Variants in TTC28 observed in about 807,000 individuals in gnomAD.
TTC28 encodes the protein tetratricopeptide repeat domain 28, also known as tetratricopeptide repeat protein 28.
Under a neutral mutation model 198.0 loss-of-function variants are expected in TTC28, and 61 were observed. The ratio of observed to expected loss-of-function variants is 0.31; its 90% CI spans 0.25 to 0.38. The LOEUF is 0.38. Ranked by LOEUF, TTC28 falls within the 10% of genes least tolerant of loss-of-function variation. TTC28 has a pLI of 1.00. For synonymous variants in TTC28, 1,171 were observed against 1,297.8 expected (o/e 0.90, Z 2.10); for missense variants, 2,678 against 3,164.0 (o/e 0.85, Z 3.69).
At chr22:28,332,355 T>TA (rs2045629956) in intron 2 of TTC28, among the ~76,000 whole-genome samples, 1 of 151,754 alleles carries the variant, frequency 6.6e-6, no homozygotes, top group Non-Finnish European at 1.5e-5. Flanking sequence ...CATAATGAAA[T>TA]GAAAATATAG....
At chr22:27,994,181 C>T (rs769939787) in intron 17 of TTC28, among the ~76,000 whole-genome samples, 16 of 152,190 alleles carry the variant, frequency 1.1e-4, no homozygotes, top group Admixed American at 2.6e-4. Flanking sequence ...TGGTGGCTCA[C>T]GCCTGTAATC....
chr22:28,231,555 A>G (rs1928805912), intron 5 of TTC28, among the ~76,000 whole-genome samples: 1 of 152,210 alleles, frequency 6.6e-6, no homozygotes, highest in African/African-American at 2.4e-5. Flanking sequence ...TCTGTAGATC[A>G]CAGCAGGGAA....
At chr22:28,120,644 C>T (rs1000186305) in intron 6 of TTC28, among the ~76,000 whole-genome samples, 7 of 152,184 alleles carry the variant, frequency 4.6e-5, no homozygotes, top group Non-Finnish European at 8.8e-5. Flanking sequence ...GATAAGTGGA[C>T]AGCATGGTCT....
At chr22:28,500,055 C>A (rs1329603566) in intron 2 of TTC28, among the ~76,000 whole-genome samples, 1 of 152,130 alleles carries the variant, frequency 6.6e-6, no homozygotes, top group Non-Finnish European at 1.5e-5. Context: ...ATAATTCACA[C>A]ACCATAAATT....
chr22:28,038,168 C>T (rs2146661204), intron 12 of TTC28, among the ~76,000 whole-genome samples: 1 of 152,302 alleles, frequency 6.6e-6, no homozygotes, highest in South Asian at 2.1e-4. Context: ...GAGAAAACTT[C>T]TTTAAAGTTC....
chr22:28,613,738 T>C (rs1417512155), intron 2 of TTC28, among the ~76,000 whole-genome samples: 4 of 152,116 alleles, frequency 2.6e-5, no homozygotes, highest in Non-Finnish European at 5.9e-5. Flanking sequence ...TCAACAAAAT[T>C]CAACACTCCT....
In TTC28 at chr22:28,408,826, T is replaced by C. The variant is rs139775683; in HGVS notation, c.382-102183A>G. On this transcript the variant is annotated intron_variant, in intron 2 of 22. Transcript: ENST00000397906. ...TTCGAATGAGTCTTGAACTACCACATCTGAAAGAGAAGGTGAACAAAGTGA... is the reference window on the plus strand; with the variant it reads ...TTCGAATGAGTCTTGAACTACCACACCTGAAAGAGAAGGTGAACAAAGTGA... Among the ~76,000 whole-genome samples the C allele has an allele frequency of 1.9e-3, 292 of 152,300 alleles. 2 individuals carry two copies. Among genetic ancestry groups the C allele is most frequent in the Middle Eastern group, 0.014 (4 of 294 alleles).
intron 2 of TTC28, among the ~76,000 whole-genome samples, chr22:28,389,247 T>G (rs1328904382): frequency 6.6e-6 from 1 of 152,226 alleles, no homozygotes; most frequent in Non-Finnish European, 1.5e-5. Context: ...GGTTTGCCAG[T>G]ATTTTATTGA....
chr22:28,508,642 T>C (rs1018704654), intron 2 of TTC28, among the ~76,000 whole-genome samples: 1 of 152,074 alleles, frequency 6.6e-6, no homozygotes, highest in Admixed American at 6.5e-5. Flanking sequence ...GGGCATTACA[T>C]AATGGTAAAG....
chr22:28,634,505 C>CAAAA (rs900765994), intron 1 of TTC28, among the ~76,000 whole-genome samples: 1 of 45,530 alleles, frequency 2.2e-5, no homozygotes, highest in African/African-American at 7.4e-5. Flanking sequence ...GACTCCATCT[C>CAAAA]AAAAAAAAAA....
At chr22:28,227,173 T>A (rs1928410760) in intron 5 of TTC28, among the ~76,000 whole-genome samples, 1 of 152,166 alleles carries the variant, frequency 6.6e-6, no homozygotes, top group African/African-American at 2.4e-5. Context: ...CCTCAAGTGA[T>A]CCTCTGACCC....
intron 2 of TTC28, among the ~76,000 whole-genome samples, chr22:28,350,908 C>T (rs1486802190): frequency 6.6e-6 from 1 of 152,020 alleles, no homozygotes; most frequent in Non-Finnish European, 1.5e-5. Context: ...CTCGGCCGGG[C>T]GCAGTGGCTG....
At chr22:28,404,101 A>G (rs1036399267) in intron 2 of TTC28, among the ~76,000 whole-genome samples, 18 of 152,064 alleles carry the variant, frequency 1.2e-4, no homozygotes, top group Non-Finnish European at 1.9e-4. Context: ...ATTTTTAACT[A>G]GAATATATGT....
At chr22:28,343,725 T>C (rs1022235197) in intron 2 of TTC28, among the ~76,000 whole-genome samples, 3 of 152,220 alleles carry the variant, frequency 2.0e-5, no homozygotes, top group Admixed American at 6.5e-5. Context: ...CTGTTCTGTC[T>C]GCACCAACAT....
chr22:28,260,097 T>C (rs1483927048), intron 5 of TTC28, among the ~76,000 whole-genome samples: 1 of 152,188 alleles, frequency 6.6e-6, no homozygotes, highest in Non-Finnish European at 1.5e-5. Context: ...ATGTGAAAGA[T>C]GTAATAATTT....
intron 2 of TTC28, among the ~76,000 whole-genome samples, chr22:28,604,261 G>A (rs183844762): frequency 8.7e-4 from 114 of 131,152 alleles, no homozygotes; most frequent in African/African-American, 3.2e-3. Flanking sequence ...CTGGCTGACA[G>A]AGCAAGACTC....
At chr22:28,545,853 CTA>C (rs2145945296) in intron 2 of TTC28, among the ~76,000 whole-genome samples, 1 of 152,166 alleles carries the variant, frequency 6.6e-6, no homozygotes, top group Non-Finnish European at 1.5e-5. Context: ...GAGAAGTATA[CTA>C]TGTTCACAAA....
At chr22:28,588,258 C>T (rs531071678) in intron 2 of TTC28, among the ~76,000 whole-genome samples, 40 of 151,936 alleles carry the variant, frequency 2.6e-4, no homozygotes, top group Non-Finnish European at 5.4e-4. Context: ...ACATACTTTC[C>T]GTCATCAGGA....
chr22:28,670,463 C>T (rs561442426), intron 1 of TTC28, among the ~76,000 whole-genome samples: 6 of 152,066 alleles, frequency 3.9e-5, no homozygotes, highest in East Asian at 1.9e-4. Context: ...TGGTTTCTTC[C>T]GCTTAGAATG....
Sources: gnomAD v4.1 joint callset for allele counts (sites outside exome capture counted in the v4.1 genomes callset) on GRCh38, gnomAD v4.1.1 for gene constraint, MANE v1.5 for transcripts, NCBI Gene and HGNC (gene_info 2026-07-23, HGNC 2026-07-21) for gene names.